THADA: variants seen among roughly 807,000 people sequenced by gnomAD.
THADA encodes THADA armadillo repeat containing, also known as tRNA (32-2'-O)-methyltransferase regulator THADA.
Under a neutral mutation model 219.8 loss-of-function variants are expected in THADA, and 213 were observed. The ratio of observed to expected loss-of-function variants is 0.97; its 90% confidence interval spans 0.87 to 1.09. THADA has a LOEUF of 1.09. Among genes scored for constraint, THADA ranks in the 50% least tolerant of loss-of-function variants. The pLI is 0.00. For synonymous variants in THADA, 1,018 were observed against 828.9 expected (o/e 1.23, Z -3.92); for missense variants, 2,956 against 2,311.3 (o/e 1.28, Z -5.72).
chr2:43,390,241 G>C (rs1399637340), intron 29 of THADA, among the ~76,000 whole-genome samples: 4 of 152,150 alleles, frequency 2.6e-5, no homozygotes, highest in African/African-American at 9.7e-5. Context: ...AGCAGTCCTG[G>C]CATCTATAGT....
At chr2:43,531,817 T>C (rs2018672539) in intron 21 of THADA, among the ~76,000 whole-genome samples, 1 of 152,146 alleles carries the variant, frequency 6.6e-6, no homozygotes, top group South Asian at 2.1e-4. Context: ...AACTATTAAT[T>C]TTTATTGCAT....
intron 20 of THADA, among the ~76,000 whole-genome samples, chr2:43,544,280 T>C (rs1193727455): frequency 6.6e-6 from 1 of 152,230 alleles, no homozygotes; most frequent in Non-Finnish European, 1.5e-5. Flanking sequence ...TACTGTAGCC[T>C]TATAGCATAG....
chr2:43,571,463 G>A (rs1352965219), intron 13 of THADA, among the ~76,000 whole-genome samples: 1 of 151,838 alleles, frequency 6.6e-6, no homozygotes, highest in East Asian at 1.9e-4. Flanking sequence ...TGTTGCCCAG[G>A]CTGATTCTGA....
chr2:43,551,728 AAG>A, intron 19 of THADA, 59 bp downstream of exon 19: 3 of 1,439,382 alleles, frequency 2.1e-6, no homozygotes, highest in South Asian at 3.2e-5. Flanking sequence ...GAAAAAAAAA[AAG>A]AGGTAAAGAC....
At chr2:43,567,614 G>A (rs369942943) in intron 14 of THADA, among the ~76,000 whole-genome samples, 3 of 151,990 alleles carry the variant, frequency 2.0e-5, no homozygotes, top group Non-Finnish European at 2.9e-5. Flanking sequence ...GCGAAAGAGC[G>A]AAACTCCCTC....
At chr2:43,558,202 G>T (rs536124780) in intron 16 of THADA, among the ~76,000 whole-genome samples, 277 of 152,280 alleles carry the variant, frequency 1.8e-3, no homozygotes, top group African/African-American at 6.5e-3. Context: ...AGGTGAGTAG[G>T]ATAGTCAAGC....
At chr2:43,537,262 A>G (rs1241608023) in intron 21 of THADA, among the ~76,000 whole-genome samples, 1 of 152,262 alleles carries the variant, frequency 6.6e-6, no homozygotes, top group Admixed American at 6.5e-5. Flanking sequence ...GGGCAATATT[A>G]ACTGTTGCCC....
intron 26 of THADA, among the ~76,000 whole-genome samples, chr2:43,448,453 T>A (rs2104885724): frequency 6.6e-6 from 1 of 151,924 alleles, no homozygotes; most frequent in South Asian, 2.1e-4. Context: ...TACAAACACA[T>A]AGGCAGGCAG....
rs571830477 is a variant in THADA, at chr2:43,444,485, G to C, written c.3837-14183C>G. On this transcript the variant is annotated intron_variant, in intron 26 of 37. Transcript: ENST00000405975. ...TAATCTTGGTAATGCCAAGGGTCTA[G>C]TTCTTGAGTTTTTAGAGCATCTGAG... Among the ~76,000 whole-genome samples, 44 of 152,270 alleles carry C rather than the reference G, an allele frequency of 2.9e-4. 1 individual carries two copies. In the South Asian group the frequency reaches 8.3e-3, roughly 29 times the overall value.
intron 26 of THADA, among the ~76,000 whole-genome samples, chr2:43,442,515 A>C (rs1426195256): frequency 1.3e-5 from 2 of 152,218 alleles, no homozygotes; most frequent in African/African-American, 4.8e-5. Flanking sequence ...AAAGGAGAGA[A>C]GACAGCATGC....
intron 30 of THADA, among the ~76,000 whole-genome samples, chr2:43,329,678 G>A (rs974416004): frequency 6.6e-6 from 1 of 152,132 alleles, no homozygotes; most frequent in Non-Finnish European, 1.5e-5. Context: ...ACCAAGAATA[G>A]AATCAAGGTT....
intron 30 of THADA, among the ~76,000 whole-genome samples, chr2:43,334,405 T>C (rs995929898): frequency 4.6e-5 from 7 of 152,120 alleles, no homozygotes; most frequent in Admixed American, 3.9e-4. Flanking sequence ...TTAGGTCTGG[T>C]ACATTGAGCA....
At chr2:43,364,401 T>G in intron 29 of THADA, among the ~76,000 whole-genome samples, 1 of 152,198 alleles carries the variant, frequency 6.6e-6, no homozygotes, top group South Asian at 2.1e-4. Context: ...AGTTCTTTGT[T>G]GTCAGGTAAT....
intron 28 of THADA, among the ~76,000 whole-genome samples, chr2:43,407,298 T>TA (rs1239958474): frequency 3.3e-5 from 5 of 152,218 alleles, no homozygotes; most frequent in Admixed American, 3.3e-4. Flanking sequence ...TCTTATTTTT[T>TA]AAACCCTATT....
chr2:43,364,634 CAGTT>C (rs1172191297), intron 29 of THADA, among the ~76,000 whole-genome samples: 2 of 152,236 alleles, frequency 1.3e-5, no homozygotes, highest in African/African-American at 2.4e-5. Flanking sequence ...TGGGAGATGA[CAGTT>C]AGTATAGTCT....
intron 7 of THADA, among the ~76,000 whole-genome samples, chr2:43,584,650 G>A (rs373809650): frequency 1.3e-5 from 2 of 152,202 alleles, no homozygotes; most frequent in East Asian, 3.9e-4. Flanking sequence ...TAGTATTTCA[G>A]AAGCTGCAAA....
At chr2:43,475,006 G>A (rs192185097) in intron 26 of THADA, among the ~76,000 whole-genome samples, 6 of 152,260 alleles carry the variant, frequency 3.9e-5, no homozygotes, top group Non-Finnish European at 5.9e-5. Flanking sequence ...AGAAAGAAAC[G>A]TAGCAAACAG....
chr2:43,292,931 C>A lies in THADA; in HGVS notation c.4721G>T (p.Gly1574Val). 1.2e-6 allele frequency: 2 copies of A among 1,614,034 alleles called. No homozygotes were observed. Among genetic ancestry groups the A allele is most frequent in the Non-Finnish European group, 1.7e-6 (2 of 1,179,902 alleles). ...GGGTGGCACGCCCTTCTCTCCAAGTCCAGAGGCTGCTGCTAAGAACTTTTC... is the reference window on the plus strand; with the variant it reads ...GGGTGGCACGCCCTTCTCTCCAAGTACAGAGGCTGCTGCTAAGAACTTTTC... ...LLEKFLAAASGLGEKGVPPLL... is the reference protein window; with the variant it reads ...LLEKFLAAASVLGEKGVPPLL... Residue 1574 changes from glycine (G) to valine (V), a missense_variant, in exon 32 of 38, where the codon GGA becomes GTA. Transcript: ENST00000405975.
intron 21 of THADA, among the ~76,000 whole-genome samples, chr2:43,532,114 A>T (rs1022960427): frequency 8.1e-6 from 1 of 122,738 alleles, no homozygotes; most frequent in Admixed American, 7.5e-5. Flanking sequence ...GAAAAGTGTA[A>T]AAAAAATATG....
Sources: allele counts gnomAD v4.1 joint callset (sites outside exome capture counted in the v4.1 genomes callset), GRCh38; gene constraint gnomAD v4.1.1; transcripts MANE v1.5; gene names NCBI Gene and HGNC (gene_info 2026-07-23, HGNC 2026-07-21).